CPLX1: variants seen among roughly 807,000 people sequenced by gnomAD.
CPLX1 encodes complexin 1, also known as complexin-1.
Under a neutral mutation model 15.6 loss-of-function variants are expected in CPLX1, and 6 were observed. The observed-to-expected ratio is 0.39, with a 90% CI of 0.21 to 0.76. The LOEUF (loss-of-function observed/expected upper bound fraction) is 0.76, where lower values mean the gene tolerates loss of function less well. Among genes scored for constraint, CPLX1 ranks in the 30% least tolerant of loss-of-function variants. The pLI, the probability that CPLX1 is intolerant of heterozygous loss-of-function variation, is 0.43. For missense variants in CPLX1, 242 were observed against 188.6 expected, an observed-to-expected ratio of 1.28 and a Z score of -1.66; for synonymous variants, 91 against 75.2, an observed-to-expected ratio of 1.21 and a Z score of -1.08.
intron 2 of CPLX1, among the ~76,000 whole-genome samples, chr4:803,675 G>A (rs559805095): frequency 2.0e-5 from 3 of 150,472 alleles, no homozygotes; most frequent in Non-Finnish European, 3.0e-5. Flanking sequence ...GTGAGCCACC[G>A]CGCCCGGCCT....
At chr4:807,899 A>G (rs979453013) in intron 2 of CPLX1, among the ~76,000 whole-genome samples, 1 of 152,120 alleles carries the variant, frequency 6.6e-6, no homozygotes, top group East Asian at 1.9e-4. Context: ...ATTAATCTCA[A>G]TATGTTTTCC....
At chr4:787,634 G>T in intron 3 of CPLX1, 1 of 959,052 alleles carries the variant, frequency 1.0e-6, no homozygotes, top group Non-Finnish European at 1.2e-6. Context: ...GCCGCCAGAC[G>T]CAGGAAGGGG....
chr4:796,015 C>G (rs908649661), intron 2 of CPLX1, among the ~76,000 whole-genome samples: 1 of 152,194 alleles, frequency 6.6e-6, no homozygotes, highest in Non-Finnish European at 1.5e-5. Flanking sequence ...GGCACCCACG[C>G]TCCCGAGACG....
chr4:824,851 G>A (rs764977422), intron 1 of CPLX1: 2 of 538,466 alleles, frequency 3.7e-6, no homozygotes, highest in African/African-American at 1.9e-5. Flanking sequence ...TGATGGCTTA[G>A]GGGGCATCGC....
intron 2 of CPLX1, among the ~76,000 whole-genome samples, chr4:821,045 T>C (rs904280743): frequency 6.6e-6 from 1 of 152,148 alleles, no homozygotes; most frequent in African/African-American, 2.4e-5. Context: ...CTACGGTGTG[T>C]TCTCCCCAGA....
At chr4:791,281 G>A (rs945702918) in intron 3 of CPLX1, among the ~76,000 whole-genome samples, 1 of 151,978 alleles carries the variant, frequency 6.6e-6, no homozygotes, top group African/African-American at 2.4e-5. Flanking sequence ...GACCCTGGGT[G>A]GGATGCCAGG....
chr4:818,792 G>A (rs999326446), intron 2 of CPLX1, among the ~76,000 whole-genome samples: 7 of 152,266 alleles, frequency 4.6e-5, no homozygotes, highest in African/African-American at 1.7e-4. Flanking sequence ...GCGAGGACCA[G>A]GTGCTGTATT....
At chr4:798,308 T>A (rs1316396521) in intron 2 of CPLX1, among the ~76,000 whole-genome samples, 2 of 148,744 alleles carry the variant, frequency 1.3e-5, no homozygotes, top group African/African-American at 2.5e-5. Context: ...GACATCTAGA[T>A]CAATGGAAAG....
At chr4:824,795 T>C (rs766934799) in intron 1 of CPLX1, 194 bp from the exon 2 acceptor site, 3 of 661,206 alleles carry the variant, frequency 4.5e-6, no homozygotes, top group Non-Finnish European at 8.4e-6. Flanking sequence ...CTGAAAATGG[T>C]CTCCCCAGCT....
chr4:800,724 T>C, intron 2 of CPLX1, among the ~76,000 whole-genome samples: 1 of 76,238 alleles, frequency 1.3e-5, no homozygotes, highest in East Asian at 4.2e-4. Context: ...CCGTCTCTAC[T>C]AAAAAAAAAA....
intron 2 of CPLX1, among the ~76,000 whole-genome samples, chr4:795,812 G>T (rs867627308): frequency 1.7e-4 from 26 of 151,848 alleles, no homozygotes; most frequent in Non-Finnish European, 7.4e-5. Context: ...GGGTGGGGGG[G>T]GGGTGCAGAT....
chr4:797,759 C>T (rs1393813780), intron 2 of CPLX1, among the ~76,000 whole-genome samples: 1 of 151,732 alleles, frequency 6.6e-6, no homozygotes, highest in African/African-American at 2.4e-5. Flanking sequence ...CAATGAGACC[C>T]CGTCTCTACT....
chr4:821,658 ACC>A (rs1316740697), intron 2 of CPLX1, among the ~76,000 whole-genome samples: 1 of 152,098 alleles, frequency 6.6e-6, no homozygotes, highest in Admixed American at 6.5e-5. Context: ...TCCCTTGAGG[ACC>A]CTGGATCCGG....
intron 2 of CPLX1, among the ~76,000 whole-genome samples, chr4:795,166 T>C (rs1328567902): frequency 1.3e-5 from 2 of 152,088 alleles, no homozygotes; most frequent in Non-Finnish European, 2.9e-5. Context: ...GGGAGGCGCC[T>C]CCAGAACCAC....
intron 2 of CPLX1, among the ~76,000 whole-genome samples, chr4:816,141 T>G (rs1190280840): frequency 6.6e-6 from 1 of 151,808 alleles, no homozygotes; most frequent in Non-Finnish European, 1.5e-5. Flanking sequence ...CTAGTCCTAA[T>G]AAATCAACAG....
At chr4:795,764 T>C (rs1746316766) in intron 2 of CPLX1, among the ~76,000 whole-genome samples, 2 of 144,540 alleles carry the variant, frequency 1.4e-5, no homozygotes, top group South Asian at 4.6e-4. Flanking sequence ...GGAGGGGCCC[T>C]TCCCACCCGG....
At chr4:815,584 G>C (rs562788498) in intron 2 of CPLX1, among the ~76,000 whole-genome samples, 3 of 152,160 alleles carry the variant, frequency 2.0e-5, no homozygotes, top group Non-Finnish European at 2.9e-5. Context: ...AGGTTAACAC[G>C]TGGCATCTGA....
At chr4:814,440 T>C (rs1378132749) in intron 2 of CPLX1, among the ~76,000 whole-genome samples, 7 of 152,202 alleles carry the variant, frequency 4.6e-5, no homozygotes, top group Non-Finnish European at 7.3e-5. Context: ...CTTGAACTCC[T>C]GACCTCAGGT....
intron 2 of CPLX1, among the ~76,000 whole-genome samples, chr4:818,462 C>T (rs1296804243): frequency 1.3e-5 from 2 of 152,250 alleles, no homozygotes; most frequent in Non-Finnish European, 2.9e-5. Context: ...CTCTGTTTTG[C>T]GCCCACGCTG....
Sources: gnomAD v4.1 joint callset for allele counts (sites outside exome capture counted in the v4.1 genomes callset) on GRCh38, gnomAD v4.1.1 for gene constraint, MANE v1.5 for transcripts, NCBI Gene and HGNC (gene_info 2026-07-23, HGNC 2026-07-21) for gene names.